Variants in PCCA observed in about 807,000 individuals in gnomAD.
The protein encoded by PCCA is propionyl-CoA carboxylase alpha chain, mitochondrial.
A neutral mutation model predicts 101.3 loss-of-function variants in PCCA; 74 were observed. The ratio of observed to expected loss-of-function variants is 0.73; its 90% confidence interval spans 0.61 to 0.89. The LOEUF (loss-of-function observed/expected upper bound fraction) is 0.89. PCCA is among the 40% of genes least tolerant of loss of function. PCCA has a pLI of 0.00. For synonymous variants in PCCA, 294 were observed against 313.6 expected (o/e 0.94, Z 0.66); for missense variants, 891 against 907.0 (o/e 0.98, Z 0.23).
chr13:100,413,688 A>G (rs2078187472), intron 19 of PCCA, among the ~76,000 whole-genome samples: 1 of 152,222 alleles, frequency 6.6e-6, no homozygotes, highest in Non-Finnish European at 1.5e-5. Flanking sequence ...TGCATTTTAC[A>G]TATGAGAAAA....
At chr13:100,503,562 T>C (rs189311670) in intron 21 of PCCA, among the ~76,000 whole-genome samples, 1 of 152,042 alleles carries the variant, frequency 6.6e-6, no homozygotes. Flanking sequence ...AAGTCTACAG[T>C]GAGTCAAGGA....
chr13:100,496,446 A>C (rs902399007), intron 21 of PCCA, among the ~76,000 whole-genome samples: 8 of 151,780 alleles, frequency 5.3e-5, no homozygotes, highest in African/African-American at 1.9e-4. Context: ...ATTTGGATTC[A>C]TTTGGTGTTT....
chr13:100,175,964 A>G (rs1036130297), intron 6 of PCCA, among the ~76,000 whole-genome samples: 1 of 152,230 alleles, frequency 6.6e-6, no homozygotes, highest in African/African-American at 2.4e-5. Flanking sequence ...TACAGGATCT[A>G]CCTGGTTCCT....
chr13:100,401,246 T>C lies in PCCA; in HGVS notation c.1747-24387T>C, dbSNP rs774325195. ...ACTGTTTTTTTGTTGTTGTTGCTTG[T>C]TTGTTTGTTTGTTTTGATACAGAGT... On this transcript the variant is annotated intron_variant, in intron 19 of 23. Transcript: ENST00000376285. Among the ~76,000 whole-genome samples, 70 of 151,980 alleles carry C rather than the reference T, an allele frequency of 4.6e-4. 1 individual carries two copies. The highest frequency in any genetic ancestry group is 2.1e-4 in the Non-Finnish European group (14 of 67,972).
At chr13:100,146,456 TC>T (rs1454272751) in intron 4 of PCCA, among the ~76,000 whole-genome samples, 1 of 151,236 alleles carries the variant, frequency 6.6e-6, no homozygotes, top group African/African-American at 2.4e-5. Flanking sequence ...ATGCCTGTAA[TC>T]CCAGCTACTC....
intron 20 of PCCA, among the ~76,000 whole-genome samples, chr13:100,444,228 G>A (rs1285082925): frequency 7.0e-6 from 1 of 142,064 alleles, no homozygotes; most frequent in Non-Finnish European, 1.5e-5. Flanking sequence ...TTGAGACGGT[G>A]TCTCGCTCTG....
intron 4 of PCCA, among the ~76,000 whole-genome samples, chr13:100,125,429 A>C (rs2049865079): frequency 6.6e-6 from 1 of 152,238 alleles, no homozygotes; most frequent in African/African-American, 2.4e-5. Flanking sequence ...GAGTGACTGC[A>C]GTACTGCATT....
At chr13:100,146,403 C>T (rs1044839627) in intron 4 of PCCA, among the ~76,000 whole-genome samples, 24 of 151,814 alleles carry the variant, frequency 1.6e-4, no homozygotes, top group East Asian at 9.8e-4. Context: ...GGTGAAACCC[C>T]GTCTCCACTA....
intron 21 of PCCA, among the ~76,000 whole-genome samples, chr13:100,499,211 A>C (rs1230541895): frequency 6.6e-6 from 1 of 152,170 alleles, no homozygotes; most frequent in African/African-American, 2.4e-5. Flanking sequence ...CTGTTCCCAA[A>C]AGACGTTTGA....
chr13:100,462,916 G>A (rs1471227920), intron 21 of PCCA, among the ~76,000 whole-genome samples: 1 of 152,192 alleles, frequency 6.6e-6, no homozygotes, highest in Non-Finnish European at 1.5e-5. Context: ...TGGGGCTGAG[G>A]TGAAGAAAGT....
At chr13:100,116,036 T>C (rs932380220) in intron 4 of PCCA, among the ~76,000 whole-genome samples, 1 of 152,186 alleles carries the variant, frequency 6.6e-6, no homozygotes, top group Non-Finnish European at 1.5e-5. Context: ...ATCTGCTATG[T>C]GGTTTCTGTT....
chr13:100,394,568 C>G lies in PCCA; in HGVS notation c.1746+25994C>G, dbSNP rs1373456592. The stretch of plus-strand genomic sequence containing the variant: ...ATAAGATAGAAACCAGTAACTGAAT[C>G]TGGTAACAGGGTAGTTGTTTGTTTC... On this transcript the variant is annotated intron_variant, in intron 19 of 23. Transcript: ENST00000376285. This position sits in a 1 kb window ranked among gnomAD's most constrained non-coding sequence, Gnocchi z 4.3. Among the ~76,000 whole-genome samples the G allele has an allele frequency of 6.6e-6, 1 of 152,052 alleles. No homozygotes were observed. The highest frequency in any genetic ancestry group is 2.4e-5 in the African/African-American group (1 of 41,420).
At chr13:100,089,600 A>G (rs992044450) in intron 1 of PCCA, among the ~76,000 whole-genome samples, 14 of 152,146 alleles carry the variant, frequency 9.2e-5, no homozygotes, top group Admixed American at 2.6e-4. Flanking sequence ...AGGTGTCCTT[A>G]TAGTTTCCGT....
intron 19 of PCCA, among the ~76,000 whole-genome samples, chr13:100,392,249 G>A (rs188045364): frequency 3.3e-5 from 5 of 152,212 alleles, no homozygotes; most frequent in Admixed American, 2.6e-4. Flanking sequence ...GGGAAGGAAG[G>A]AGTTCCAAAA....
intron 19 of PCCA, among the ~76,000 whole-genome samples, chr13:100,384,885 A>C (rs912673241): frequency 6.6e-6 from 1 of 152,162 alleles, no homozygotes; most frequent in African/African-American, 2.4e-5. Context: ...GTTTATAATA[A>C]AGGACTATAA....
At chr13:100,473,017 T>G (rs2083138226) in intron 21 of PCCA, among the ~76,000 whole-genome samples, 1 of 152,168 alleles carries the variant, frequency 6.6e-6, no homozygotes, top group Non-Finnish European at 1.5e-5. Context: ...GGAGGAATGT[T>G]TCTTCCAGTG....
chr13:100,178,392 AG>A (rs1209912105), intron 6 of PCCA, among the ~76,000 whole-genome samples: 84 of 152,358 alleles, frequency 5.5e-4, no homozygotes, highest in African/African-American at 2.0e-3. Context: ...ACACTTTTAT[AG>A]TCATTTTGAT....
chr13:100,511,349 C>T (rs997777266), intron 21 of PCCA, among the ~76,000 whole-genome samples: 13 of 152,174 alleles, frequency 8.5e-5, no homozygotes, highest in African/African-American at 1.7e-4. Context: ...CTCACTGCCA[C>T]GCTGCGGAAA....
intron 9 of PCCA, among the ~76,000 whole-genome samples, chr13:100,259,464 AG>A (rs1194364310): frequency 6.6e-6 from 1 of 150,422 alleles, no homozygotes; most frequent in Non-Finnish European, 1.5e-5. Flanking sequence ...CCTCCCGAGT[AG>A]CTGGGACTAC....
Sources: allele counts gnomAD v4.1 joint callset (sites outside exome capture counted in the v4.1 genomes callset), GRCh38; gene constraint gnomAD v4.1.1; non-coding constraint Gnocchi (gnomAD v3.1); transcripts MANE v1.5; gene names NCBI Gene and HGNC (gene_info 2026-07-23, HGNC 2026-07-21).